Variants in FCAR observed in about 807,000 individuals in gnomAD.
The protein encoded by FCAR is Fc alpha receptor, also known as immunoglobulin alpha Fc receptor.
In FCAR, 21 loss-of-function variants were observed where a neutral mutation model predicts 27.1. The observed-to-expected ratio is 0.77, with a 90% CI of 0.55 to 1.11. The LOEUF is 1.11. Ranked by LOEUF, FCAR falls within the 50% of genes most tolerant of loss-of-function variation. FCAR has a pLI of 0.00. For missense variants in FCAR, 404 were observed against 358.4 expected, an observed-to-expected ratio of 1.13 and a Z score of -1.03; for synonymous variants, 134 against 135.8, an observed-to-expected ratio of 0.99 and a Z score of 0.09.
At chr19:54,880,415 C>G (rs2066346570) in intron 2 of FCAR, among the ~76,000 whole-genome samples, 1 of 152,172 alleles carries the variant, frequency 6.6e-6, no homozygotes, top group African/African-American at 2.4e-5. Context: ...CCGTTTGGTT[C>G]TTTCAAAATG....
chr19:54,882,736 G>A (rs2066494896), intron 2 of FCAR, among the ~76,000 whole-genome samples: 1 of 152,132 alleles, frequency 6.6e-6, no homozygotes, highest in Non-Finnish European at 1.5e-5. Flanking sequence ...ACCGCGCCCG[G>A]CCTTGGTGTT....
intron 4 of FCAR, chr19:54,888,634 G>A (rs1048561707): frequency 3.4e-5 from 23 of 684,616 alleles, no homozygotes; most frequent in East Asian, 1.8e-4. Context: ...TGCAACCTTC[G>A]CCTCCCAGGT....
chr19:54,881,115 C>G (rs587656431), intron 2 of FCAR, among the ~76,000 whole-genome samples: 4 of 152,152 alleles, frequency 2.6e-5, no homozygotes, highest in African/African-American at 9.7e-5. Context: ...TTGTGGCAGA[C>G]GGCCTTTCAC....
chr19:54,886,695 G>A (rs1385657775), intron 3 of FCAR, among the ~76,000 whole-genome samples: 3 of 152,128 alleles, frequency 2.0e-5, no homozygotes, highest in African/African-American at 7.2e-5. Context: ...TGCCCGGCAG[G>A]TGTCATGTAT....
chr19:54,888,914 C>T (rs1180580423), intron 4 of FCAR: 4 of 985,334 alleles, frequency 4.1e-6, no homozygotes, highest in South Asian at 9.4e-5. Flanking sequence ...GAAAACACAA[C>T]CTGCCTGGCC....
intron 4 of FCAR, chr19:54,888,856 A>ATG (rs2066903349): frequency 1.0e-6 from 1 of 986,912 alleles, no homozygotes; most frequent in Non-Finnish European, 1.2e-6. Flanking sequence ...TGTTGTAGAG[A>ATG]TGTGATTAGG....
Position 54,874,337 on chromosome 19 carries a change from T to G in FCAR, c.34+14T>G, listed in dbSNP as rs1373091453. 1 of 1,613,658 alleles carries G rather than the reference T, an allele frequency of 6.2e-7. No homozygotes were observed. Among genetic ancestry groups the G allele is most frequent in the Non-Finnish European group, 8.5e-7 (1 of 1,179,734 alleles). The stretch of plus-strand genomic sequence containing the variant: ...TCCTGTGTCTTGGTGAGTTTCAGAG[T>G]AAAAGTGGGTTAGAGGGGAAGATAG... On this transcript the variant is annotated intron_variant, in intron 1 of 4. Coordinates refer to ENST00000355524, the MANE Select transcript of FCAR (RefSeq NM_002000.4).
At chr19:54,874,438 T>TC in intron 1 of FCAR, 115 bp downstream of exon 1, 1 of 1,034,482 alleles carries the variant, frequency 9.7e-7, no homozygotes, top group East Asian at 2.4e-5. Context: ...GAGATTCTGA[T>TC]CTCCTTAGTG....
intron 2 of FCAR, among the ~76,000 whole-genome samples, chr19:54,875,738 G>A (rs587737640): frequency 1.2e-4 from 18 of 152,278 alleles, no homozygotes; most frequent in African/African-American, 4.3e-4. Context: ...AAAGGATGCT[G>A]CCATAGTCTA....
intron 4 of FCAR, 123 bp downstream of exon 4, chr19:54,888,417 C>A: frequency 2.0e-6 from 3 of 1,466,872 alleles, no homozygotes; most frequent in South Asian, 1.4e-5. Context: ...CACTCCAGGA[C>A]AGTGGAGAGA....
intron 2 of FCAR, among the ~76,000 whole-genome samples, chr19:54,882,744 G>A (rs149115681): frequency 1.5e-3 from 229 of 152,114 alleles, no homozygotes; most frequent in Non-Finnish European, 2.0e-3. Flanking sequence ...CGGCCTTGGT[G>A]TTGATTCTTT....
intron 2 of FCAR, among the ~76,000 whole-genome samples, chr19:54,876,938 C>A (rs2066132602): frequency 6.6e-6 from 1 of 152,096 alleles, no homozygotes; most frequent in Non-Finnish European, 1.5e-5. Flanking sequence ...ACCTTGCATC[C>A]CAGAAATAAA....
chr19:54,882,532 G>A lies in FCAR; in HGVS notation c.71-2703G>A, dbSNP rs144978978. On this transcript the variant is annotated intron_variant, in intron 2 of 4. Coordinates refer to ENST00000355524, the MANE Select transcript of FCAR (RefSeq NM_002000.4). The stretch of plus-strand genomic sequence containing the variant: ...CTCACTGCTGCAACCTTCACCTCCC[G>A]GGTTCAAGCGATTCTCCTGTCTCAG... Among the ~76,000 whole-genome samples, 362 of 151,468 alleles carry A rather than the reference G, an allele frequency of 2.4e-3. 1 individual carries two copies. The highest frequency in any genetic ancestry group is 7.8e-3 in the African/African-American group (322 of 41,236).
At chr19:54,886,340 T>C (rs2066728620) in intron 3 of FCAR, among the ~76,000 whole-genome samples, 1 of 132,542 alleles carries the variant, frequency 7.5e-6, no homozygotes, top group South Asian at 2.5e-4. Flanking sequence ...GGAGTCCCGC[T>C]GTGTTGCCCA....
intron 2 of FCAR, among the ~76,000 whole-genome samples, chr19:54,879,851 T>C (rs2066313677): frequency 6.6e-6 from 1 of 152,112 alleles, no homozygotes; most frequent in Non-Finnish European, 1.5e-5. Flanking sequence ...GCCCAGCTAA[T>C]TTTTTATATT....
At chr19:54,885,701 ACATTTCTTAC>A (rs2066681203) in intron 3 of FCAR, among the ~76,000 whole-genome samples, 176 bp downstream of exon 3, 1 of 152,232 alleles carries the variant, frequency 6.6e-6, no homozygotes, top group African/African-American at 2.4e-5. Flanking sequence ...TTAGTATGGC[ACATTTCTTAC>A]CATTAATGAA....
intron 2 of FCAR, among the ~76,000 whole-genome samples, chr19:54,878,749 G>A (rs962475230): frequency 2.1e-5 from 2 of 95,898 alleles, no homozygotes; most frequent in Admixed American, 1.0e-4. Context: ...AGCAGCTCCT[G>A]CATTTTTTTT....
At chr19:54,887,245 G>A (rs2066788783) in intron 3 of FCAR, among the ~76,000 whole-genome samples, 1 of 152,206 alleles carries the variant, frequency 6.6e-6, no homozygotes, top group South Asian at 2.1e-4. Context: ...GGGAGGTCGA[G>A]GCTGCAGTGA....
chr19:54,887,952 A>G (rs747630229), intron 3 of FCAR, 55 bp from the exon 4 acceptor site: 10 of 1,375,682 alleles, frequency 7.3e-6, no homozygotes, highest in South Asian at 1.5e-5. Flanking sequence ...AATAAGAAGA[A>G]GAAAAGAATA....
Sources: allele counts gnomAD v4.1 joint callset (sites outside exome capture counted in the v4.1 genomes callset), GRCh38; gene constraint gnomAD v4.1.1; transcripts MANE v1.5; gene names NCBI Gene and HGNC (gene_info 2026-07-23, HGNC 2026-07-21).